NKAIN2: variants seen among roughly 807,000 people sequenced by gnomAD.
The protein encoded by NKAIN2 is sodium/potassium-transporting ATPase subunit beta-1-interacting protein 2.
NKAIN2 carries 14 observed loss-of-function variants against 32.6 expected under a neutral mutation model. The ratio of observed to expected loss-of-function variants is 0.43; its 90% CI spans 0.28 to 0.67. The LOEUF is 0.67. NKAIN2 is among the 30% of genes least tolerant of loss of function. The pLI is 0.17. For missense variants in NKAIN2, 198 were observed against 258.3 expected, an observed-to-expected ratio of 0.77 and a Z score of 1.60; for synonymous variants, 80 against 87.2, an observed-to-expected ratio of 0.92 and a Z score of 0.46.
chr6:124,476,357 A>C (rs1777211584), intron 3 of NKAIN2, among the ~76,000 whole-genome samples: 1 of 141,906 alleles, frequency 7.0e-6, no homozygotes. Flanking sequence ...TAAATCAATC[A>C]AACCTGTTTC....
chr6:124,664,442 GA>G (rs1052586749), intron 4 of NKAIN2, among the ~76,000 whole-genome samples: 4 of 151,572 alleles, frequency 2.6e-5, no homozygotes, highest in African/African-American at 9.7e-5. Flanking sequence ...ATGGACATGG[GA>G]AAAAATCAAA....
At chr6:123,811,014 G>A (rs1562193563) in intron 1 of NKAIN2, among the ~76,000 whole-genome samples, 1 of 152,112 alleles carries the variant, frequency 6.6e-6, no homozygotes, top group Non-Finnish European at 1.5e-5. Flanking sequence ...GGAATTCCCA[G>A]ATGATACTGA....
chr6:124,338,232 T>G (rs1482223813), intron 2 of NKAIN2, among the ~76,000 whole-genome samples: 1 of 152,146 alleles, frequency 6.6e-6, no homozygotes, highest in Non-Finnish European at 1.5e-5. Flanking sequence ...AATACAGCAG[T>G]ATTCATTTAT....
intron 3 of NKAIN2, among the ~76,000 whole-genome samples, chr6:124,442,773 T>C (rs1367003715): frequency 1.3e-5 from 2 of 152,130 alleles, no homozygotes; most frequent in Non-Finnish European, 2.9e-5. Flanking sequence ...GTCTTGCAGA[T>C]AGTATGGTTT....
chr6:124,473,646 C>T (rs996652660), intron 3 of NKAIN2, among the ~76,000 whole-genome samples: 2 of 152,056 alleles, frequency 1.3e-5, no homozygotes, highest in Non-Finnish European at 1.5e-5. Context: ...TTGAAAATGC[C>T]ATGACAATTT....
chr6:124,078,693 AT>A (rs1199956415), intron 1 of NKAIN2, among the ~76,000 whole-genome samples: 21 of 152,194 alleles, frequency 1.4e-4, no homozygotes, highest in Admixed American at 1.4e-3. Context: ...TTTAATTACT[AT>A]AACATTAAAT....
At chr6:124,294,214 A>G (rs560861166) in intron 2 of NKAIN2, among the ~76,000 whole-genome samples, 5 of 152,200 alleles carry the variant, frequency 3.3e-5, no homozygotes, top group African/African-American at 1.2e-4. Flanking sequence ...GGAGCAAAAT[A>G]GGAGGGGCAG....
intron 3 of NKAIN2, among the ~76,000 whole-genome samples, chr6:124,504,634 G>A (rs201279407): frequency 2.0e-5 from 3 of 152,132 alleles, no homozygotes; most frequent in African/African-American, 7.2e-5. Flanking sequence ...ATGCCTCATC[G>A]GATTAGAATA....
chr6:123,813,494 A>G (rs1198800405), intron 1 of NKAIN2, among the ~76,000 whole-genome samples: 2 of 152,182 alleles, frequency 1.3e-5, no homozygotes, highest in Non-Finnish European at 2.9e-5. Flanking sequence ...TTATAGAATT[A>G]CATATTTGAA....
intron 1 of NKAIN2, among the ~76,000 whole-genome samples, chr6:124,281,015 C>T (rs1404393316): frequency 6.6e-6 from 1 of 152,182 alleles, no homozygotes; most frequent in African/African-American, 2.4e-5. Context: ...TTCAGTTTTA[C>T]AGACTTAGTT....
intron 1 of NKAIN2, among the ~76,000 whole-genome samples, chr6:124,136,565 A>G (rs1786799799): frequency 6.6e-6 from 1 of 152,142 alleles, no homozygotes; most frequent in South Asian, 2.1e-4. Context: ...AAAGAAAACT[A>G]CAGACCAATA....
intron 3 of NKAIN2, among the ~76,000 whole-genome samples, chr6:124,484,417 A>T (rs995999712): frequency 2.0e-5 from 3 of 152,200 alleles, no homozygotes; most frequent in African/African-American, 4.8e-5. Flanking sequence ...TTTGAAGCAG[A>T]GATCAAATGG....
At chr6:123,890,934 A>G (rs968651760) in intron 1 of NKAIN2, among the ~76,000 whole-genome samples, 3 of 152,186 alleles carry the variant, frequency 2.0e-5, no homozygotes, top group Admixed American at 6.5e-5. Context: ...TTTTGGGAAC[A>G]GCCCCAGTTG....
chr6:124,400,512 C>T (rs1773580524), intron 3 of NKAIN2, among the ~76,000 whole-genome samples: 2 of 152,094 alleles, frequency 1.3e-5, no homozygotes, highest in Non-Finnish European at 2.9e-5. Flanking sequence ...AAGAGAAATA[C>T]TTGGCATGCT....
intron 4 of NKAIN2, among the ~76,000 whole-genome samples, chr6:124,754,978 T>C (rs1777896708): frequency 6.6e-6 from 1 of 152,108 alleles, no homozygotes; most frequent in African/African-American, 2.4e-5. Context: ...ATAGGATATA[T>C]GTATAAATGA....
At chr6:124,573,313 T>C (rs1053068495) in intron 3 of NKAIN2, among the ~76,000 whole-genome samples, 2 of 152,180 alleles carry the variant, frequency 1.3e-5, no homozygotes, top group African/African-American at 4.8e-5. Context: ...CCTATTGGGG[T>C]GGTGGAACCG....
rs146637444 is a variant in NKAIN2 at position 124,351,973 on chromosome 6, A to C, written c.193-3294A>C. On this transcript the variant is annotated intron_variant, in intron 2 of 6. Coordinates refer to ENST00000368417, the MANE Select transcript of NKAIN2 (RefSeq NM_001040214.3). ...GATGATGATGTGACATAATCATCAT[A>C]ATAAAATGACAACATATAGTGAAAA... is the stretch of plus-strand genomic sequence containing the variant. Among the ~76,000 whole-genome samples the C allele has an allele frequency of 1.6e-4, 24 of 152,294 alleles. No individual in the cohort carries two copies. The East Asian group carries it at 4.2e-3, about 27-fold the overall frequency.
intron 3 of NKAIN2, among the ~76,000 whole-genome samples, chr6:124,516,055 C>T (rs1423442640): frequency 6.6e-6 from 1 of 152,134 alleles, no homozygotes; most frequent in South Asian, 2.1e-4. Flanking sequence ...ATCTTCCTCG[C>T]ACTATTCTAG....
At chr6:123,938,309 CTG>C (rs1488822774) in intron 1 of NKAIN2, among the ~76,000 whole-genome samples, 1 of 148,846 alleles carries the variant, frequency 6.7e-6, no homozygotes, top group Non-Finnish European at 1.5e-5. Flanking sequence ...TCATGTTTCA[CTG>C]TGATTGTCTT....
Sources: allele counts gnomAD v4.1 joint callset (sites outside exome capture counted in the v4.1 genomes callset), GRCh38; gene constraint gnomAD v4.1.1; transcripts MANE v1.5; gene names NCBI Gene and HGNC (gene_info 2026-07-23, HGNC 2026-07-21).